PCDHA7: variants seen among roughly 807,000 people sequenced by gnomAD.
PCDHA7 encodes protocadherin alpha-7.
A neutral mutation model predicts 57.2 loss-of-function variants in PCDHA7; 37 were observed. The ratio of observed to expected loss-of-function variants is 0.65; its 90% CI spans 0.50 to 0.85. PCDHA7 has a LOEUF of 0.85. Ranked by LOEUF, PCDHA7 falls within the 40% of genes least tolerant of loss-of-function variation. The probability of loss-of-function intolerance (pLI) is 0.00; values close to 1 mark genes in which losing one functional copy is unlikely to be tolerated. For missense variants in PCDHA7, 1,188 were observed against 1,241.8 expected, an observed-to-expected ratio of 0.96 and a Z score of 0.65; for synonymous variants, 553 against 558.8, an observed-to-expected ratio of 0.99 and a Z score of 0.15.
rs2150259956 is a variant in PCDHA7 at position 140,836,406 on chromosome 5, G to A, written c.2023G>A (p.Ala675Thr). Residue 675 changes from alanine to threonine, a missense_variant, in exon 1 of 4, where the codon GCA (alanine) becomes ACA (threonine). Coordinates refer to ENST00000525929, the MANE Select transcript of PCDHA7 (RefSeq NM_018910.3). The stretch of plus-strand genomic sequence containing the variant: ...GGTGTCGCTGGTGGAAAGCGGCCAG[G>A]CACCAAAGGCGTCGTCGCGGGCATC... ...VLVSLVESGQ[A>T]PKASSRASLG... 2.5e-6 allele frequency: 4 copies of A among 1,613,782 alleles called. No homozygotes were observed. Among genetic ancestry groups the A allele is most frequent in the Middle Eastern group, 1.6e-4 (1 of 6,062 alleles).
intron 1 of PCDHA7, chr5:140,875,308 A>G (rs757619394): frequency 2.7e-5 from 39 of 1,423,476 alleles, no homozygotes; most frequent in Non-Finnish European, 3.4e-5. Flanking sequence ...CTCCGCACCC[A>G]CATTCCAATC....
intron 1 of PCDHA7, among the ~76,000 whole-genome samples, chr5:140,977,702 A>C (rs1420121979): frequency 1.3e-5 from 2 of 152,190 alleles, no homozygotes; most frequent in African/African-American, 4.8e-5. Context: ...AATCTGTCTG[A>C]ATATTGAGAT....
chr5:140,868,951 A>C (rs2050753987), intron 1 of PCDHA7: 1 of 1,321,466 alleles, frequency 7.6e-7, no homozygotes, highest in African/African-American at 1.5e-5. Context: ...ACAGTGAGGC[A>C]CTCCCATACA....
chr5:140,862,807 C>A, intron 1 of PCDHA7: 1 of 572,850 alleles, frequency 1.7e-6, no homozygotes. Flanking sequence ...GGAGCTGCTG[C>A]AGTTCTAGGT....
chr5:140,849,102 G>A, intron 1 of PCDHA7: 1 of 1,468,874 alleles, frequency 6.8e-7, no homozygotes, highest in Non-Finnish European at 9.2e-7. Context: ...TTTAGACAGA[G>A]AAGAAACTCC....
At chr5:140,919,932 C>A (rs2079357842) in intron 1 of PCDHA7, among the ~76,000 whole-genome samples, 1 of 151,968 alleles carries the variant, frequency 6.6e-6, no homozygotes, top group Non-Finnish European at 1.5e-5. Flanking sequence ...CAGGTGGGGG[C>A]TAATTCCAGT....
At chr5:140,915,710 C>T (rs2077269471) in intron 1 of PCDHA7, among the ~76,000 whole-genome samples, 1 of 151,918 alleles carries the variant, frequency 6.6e-6, no homozygotes, top group South Asian at 2.1e-4. Flanking sequence ...ACTCCTGTGG[C>T]CCCCACTTTG....
chr5:140,841,305 G>A (rs2150313122), intron 1 of PCDHA7: 2 of 1,543,548 alleles, frequency 1.3e-6, no homozygotes, highest in Non-Finnish European at 1.8e-6. Context: ...TTTTCTGATA[G>A]GAAACGACTA....
At chr5:140,993,081 A>G (rs966669704) in intron 3 of PCDHA7, among the ~76,000 whole-genome samples, 34 of 152,234 alleles carry the variant, frequency 2.2e-4, no homozygotes, top group Non-Finnish European at 2.8e-4. Flanking sequence ...GTCTGCAATC[A>G]GCAGGGCTAT....
chr5:140,857,375 G>C, intron 1 of PCDHA7: 1 of 1,598,360 alleles, frequency 6.3e-7, no homozygotes. Flanking sequence ...CGTGTCTGTG[G>C]AGGTGGCCGA....
chr5:140,857,394 A>G, intron 1 of PCDHA7: 1 of 1,598,398 alleles, frequency 6.3e-7, no homozygotes, highest in Non-Finnish European at 8.6e-7. Flanking sequence ...GACGTGAACG[A>G]CAACGCGCCT....
intron 1 of PCDHA7, among the ~76,000 whole-genome samples, chr5:140,909,749 C>T (rs141984152): frequency 6.6e-6 from 1 of 152,114 alleles, no homozygotes; most frequent in African/African-American, 2.4e-5. Context: ...GGGGAAATGA[C>T]CACAGGATGA....
intron 1 of PCDHA7, among the ~76,000 whole-genome samples, chr5:140,961,479 C>A (rs2095615905): frequency 6.6e-6 from 1 of 152,108 alleles, no homozygotes; most frequent in Admixed American, 6.6e-5. Context: ...TTTGTCTTGT[C>A]CACGTGAGTA....
chr5:140,848,618 C>T lies in PCDHA7; in HGVS notation c.2355+11880C>T, dbSNP rs138258410. ...ACTCCGTCCCGGAGGAAGCCGAACA[C>T]GGCACCTTCGTGGGCCGCATCGCGC... is the stretch of plus-strand genomic sequence containing the variant. On this transcript the variant is annotated intron_variant, in intron 1 of 3. Transcript: ENST00000525929. The T allele has an allele frequency of 2.5e-3, 4,005 of 1,588,154 alleles. 452 individuals carry two copies. Among genetic ancestry groups the T allele is most frequent in the Middle Eastern group, 9.3e-3 (53 of 5,704 alleles).
At chr5:140,914,973 G>A (rs1166162661) in intron 1 of PCDHA7, among the ~76,000 whole-genome samples, 2 of 140,450 alleles carry the variant, frequency 1.4e-5, no homozygotes, top group Non-Finnish European at 3.0e-5. Context: ...CTGAGTCAGA[G>A]TCTTGCTCTG....
intron 1 of PCDHA7, among the ~76,000 whole-genome samples, chr5:140,837,757 A>G (rs1220991667): frequency 6.6e-6 from 1 of 151,692 alleles, no homozygotes; most frequent in Non-Finnish European, 1.5e-5. Flanking sequence ...GCCCACTGCA[A>G]CCTGAAAGTC....
intron 1 of PCDHA7, among the ~76,000 whole-genome samples, chr5:140,895,100 T>G (rs1306041919): frequency 2.0e-5 from 3 of 152,190 alleles, no homozygotes; most frequent in African/African-American, 7.2e-5. Context: ...TAGGGGTTTT[T>G]GCTACAAGAA....
intron 1 of PCDHA7, among the ~76,000 whole-genome samples, chr5:140,953,847 A>G (rs1165540937): frequency 6.6e-6 from 1 of 152,200 alleles, no homozygotes. Flanking sequence ...CCAGGTAAAC[A>G]TGTGCCATGG....
intron 1 of PCDHA7, among the ~76,000 whole-genome samples, chr5:140,935,509 C>T (rs2090411551): frequency 6.6e-6 from 1 of 152,080 alleles, no homozygotes; most frequent in Admixed American, 6.6e-5. Context: ...TTACAAATGC[C>T]CAGTAGGCAT....
Sources: allele counts gnomAD v4.1 joint callset (sites outside exome capture counted in the v4.1 genomes callset), GRCh38; gene constraint gnomAD v4.1.1; transcripts MANE v1.5; gene names NCBI Gene and HGNC (gene_info 2026-07-23, HGNC 2026-07-21).